FGF14: variants seen among roughly 807,000 people sequenced by gnomAD.
FGF14 encodes the protein fibroblast growth factor 14, also known as fibroblast growth factor homologous factor 4.
A neutral mutation model predicts 25.5 loss-of-function variants in FGF14; 5 were observed. The observed-to-expected ratio is 0.20, with a 90% CI of 0.10 to 0.41. The LOEUF is 0.41. FGF14 is among the 10% of genes least tolerant of loss of function. The probability of loss-of-function intolerance (pLI) is 1.00; values close to 1 mark genes in which losing one functional copy is unlikely to be tolerated. For missense variants in FGF14, 222 were observed against 320.1 expected, an observed-to-expected ratio of 0.69 and a Z score of 2.34; for synonymous variants, 138 against 118.3, an observed-to-expected ratio of 1.17 and a Z score of -1.08.
In FGF14 at chr13:101,746,267, TAA is replaced by T. The variant is rs140492074; in HGVS notation, c.409-19459_409-19458del. Among the ~76,000 whole-genome samples, 224 of 152,082 alleles carry T rather than the reference TAA, an allele frequency of 1.5e-3. 7 individuals are homozygous for T. In the East Asian group the frequency reaches 0.038, roughly 26 times the overall value. ...TATTCAGTTAGAACCTAGATTATGC[TAA>T]GAGGTTTACCGAGTTCAAACAGAAA... On this transcript the variant is annotated intron_variant, in intron 3 of 4. Transcript: ENST00000376143.
intron 1 of FGF14, among the ~76,000 whole-genome samples, chr13:102,298,274 G>C (rs969020471): frequency 1.2e-4 from 19 of 152,236 alleles, no homozygotes; most frequent in African/African-American, 4.3e-4. Context: ...TAGATCGTGG[G>C]TGTGATTTCT....
chr13:102,148,574 C>T (rs2046949080), intron 1 of FGF14, among the ~76,000 whole-genome samples: 1 of 152,106 alleles, frequency 6.6e-6, no homozygotes, highest in Admixed American at 6.5e-5. Context: ...TTTGGGAGGT[C>T]TAGCCAGGCA....
intron 1 of FGF14, among the ~76,000 whole-genome samples, chr13:102,359,095 A>AAC (rs1438702329): frequency 1.3e-5 from 2 of 152,106 alleles, no homozygotes; most frequent in East Asian, 1.9e-4. Context: ...GCATGTTCTC[A>AAC]CTTGTAAGTG....
chr13:101,734,575 A>G (rs972336677), intron 3 of FGF14, among the ~76,000 whole-genome samples: 7 of 152,186 alleles, frequency 4.6e-5, no homozygotes, highest in African/African-American at 1.4e-4. Context: ...AAGTATTAAG[A>G]CAACCATATA....
chr13:102,017,367 AT>A (rs1195935903), intron 1 of FGF14, among the ~76,000 whole-genome samples: 2 of 152,198 alleles, frequency 1.3e-5, no homozygotes, highest in African/African-American at 4.8e-5. Flanking sequence ...CTAAAATCAA[AT>A]GCTAGTTTGG....
intron 1 of FGF14, among the ~76,000 whole-genome samples, chr13:102,104,322 C>T (rs2044801555): frequency 6.6e-6 from 1 of 152,186 alleles, no homozygotes; most frequent in African/African-American, 2.4e-5. Context: ...AACAATGACC[C>T]ACCATAACAC....
Position 101,855,572 on chromosome 13 carries a change from C to T in FGF14, c.408+13153G>A, listed in dbSNP as rs11617277. 3.7e-3 allele frequency among the ~76,000 whole-genome samples: 564 copies of T among 151,698 alleles called. 1 individual carries two copies. The highest frequency in any genetic ancestry group is 5.6e-3 in the Non-Finnish European group (383 of 67,814). On this transcript the variant is annotated intron_variant, in intron 3 of 4. Transcript: ENST00000376143. ...AATTGAAATTAAGTCCTGCTATGTGCCATATTCAACAGTATTTCCTAATCA... is the reference window on the plus strand; with the variant it reads ...AATTGAAATTAAGTCCTGCTATGTGTCATATTCAACAGTATTTCCTAATCA...
chr13:102,197,361 C>A (rs191310286), intron 1 of FGF14, among the ~76,000 whole-genome samples: 5 of 152,230 alleles, frequency 3.3e-5, no homozygotes, highest in Non-Finnish European at 7.4e-5. Flanking sequence ...CAGGGGTACA[C>A]TGGAAGGTAT....
chr13:102,155,846 A>C (rs1277114411), intron 1 of FGF14, among the ~76,000 whole-genome samples: 1 of 152,204 alleles, frequency 6.6e-6, no homozygotes. Flanking sequence ...GATCCCACAG[A>C]AATACAAACT....
At chr13:102,091,846 GT>G (rs2044179821) in intron 1 of FGF14, among the ~76,000 whole-genome samples, 2 of 152,140 alleles carry the variant, frequency 1.3e-5, no homozygotes, top group Admixed American at 1.3e-4. Flanking sequence ...ATTAAGAAGT[GT>G]TTGTATTAAA....
intron 1 of FGF14, among the ~76,000 whole-genome samples, chr13:102,227,975 T>C (rs765749972): frequency 6.6e-6 from 1 of 152,196 alleles, no homozygotes; most frequent in Non-Finnish European, 1.5e-5. Context: ...TTTAAATATG[T>C]TTACCAAGGG....
At chr13:101,917,265 C>T (rs913299324), upstream of FGF14, among the ~76,000 whole-genome samples, 2 of 152,152 alleles carry the variant, frequency 1.3e-5, no homozygotes, top group African/African-American at 2.4e-5. Flanking sequence ...CCCCTGAGAT[C>T]TCTAATCAAA....
At chr13:102,261,033 A>G (rs914921727) in intron 1 of FGF14, among the ~76,000 whole-genome samples, 3 of 152,218 alleles carry the variant, frequency 2.0e-5, no homozygotes, top group African/African-American at 7.2e-5. Flanking sequence ...AGACACTCAG[A>G]TACCTGAAAA....
chr13:101,815,931 T>A, intron 3 of FGF14, among the ~76,000 whole-genome samples: 1 of 152,048 alleles, frequency 6.6e-6, no homozygotes, highest in East Asian at 1.9e-4. Flanking sequence ...GAATTAACAG[T>A]CAAATTAAAA....
At chr13:101,809,439 A>G (rs2041374099) in intron 3 of FGF14, among the ~76,000 whole-genome samples, 1 of 152,164 alleles carries the variant, frequency 6.6e-6, no homozygotes, top group Non-Finnish European at 1.5e-5. Flanking sequence ...ATAAAATCTA[A>G]AAACAGCAAA....
chr13:101,891,284 C>T (rs1197158901), intron 1 of FGF14, among the ~76,000 whole-genome samples: 1 of 152,150 alleles, frequency 6.6e-6, no homozygotes, highest in Non-Finnish European at 1.5e-5. Context: ...ATTGGCCTTC[C>T]CTGTCTCCAG....
At chr13:101,888,541 C>T (rs2046109247) in intron 1 of FGF14, among the ~76,000 whole-genome samples, 1 of 152,228 alleles carries the variant, frequency 6.6e-6, no homozygotes, top group East Asian at 1.9e-4. Flanking sequence ...ATGATTCCTA[C>T]TGACATTTCC....
chr13:102,004,172 G>A (rs1402996141), intron 1 of FGF14, among the ~76,000 whole-genome samples: 1 of 152,184 alleles, frequency 6.6e-6, no homozygotes, highest in Non-Finnish European at 1.5e-5. Context: ...AGGTTGGAAG[G>A]TAAAGTATAC....
chr13:101,734,071 T>C lies in FGF14; in HGVS notation c.409-7261A>G, dbSNP rs140850594. On this transcript the variant is annotated intron_variant, in intron 3 of 4. Transcript: ENST00000376143. ...GTGTGCACGTACATTTAAAATGTGG[T>C]ATTCAGGGACCAGTAGCAACTTCAT... Among the ~76,000 whole-genome samples the C allele has an allele frequency of 4.0e-4, 61 of 152,152 alleles. 1 individual carries two copies. The East Asian group carries it at 0.011, about 27-fold the overall frequency.
Sources: allele counts gnomAD v4.1 joint callset (sites outside exome capture counted in the v4.1 genomes callset), GRCh38; gene constraint gnomAD v4.1.1; transcripts MANE v1.5; gene names NCBI Gene and HGNC (gene_info 2026-07-23, HGNC 2026-07-21).